CLRN1: variants seen among roughly 807,000 people sequenced by gnomAD.
CLRN1 encodes clarin 1, also known as clarin-1.
In CLRN1, 15 loss-of-function variants were observed where a neutral mutation model predicts 18.7. That is an observed-to-expected ratio of 0.80 (90% CI 0.54 to 1.23). The LOEUF is 1.23. Among genes scored for constraint, CLRN1 ranks in the 50% most tolerant of loss-of-function variants. The pLI, the probability that CLRN1 is intolerant of heterozygous loss-of-function variation, is 0.00. For synonymous variants in CLRN1, 104 were observed against 102.9 expected (o/e 1.01, Z -0.07); for missense variants, 311 against 277.5 (o/e 1.12, Z -0.86).
chr3:150,972,845 G>C (rs759564220), upstream of CLRN1: 1 of 1,204,666 alleles, frequency 8.3e-7, no homozygotes, highest in African/African-American at 1.5e-5. Context: ...CTTCACCATC[G>C]ACGGTTCTCG....
chr3:150,959,772 T>C (rs550622707), intron 1 of CLRN1, among the ~76,000 whole-genome samples: 43 of 152,358 alleles, frequency 2.8e-4, no homozygotes, highest in African/African-American at 1.0e-3. Flanking sequence ...TTCATTTCAG[T>C]TGTCTTACCA....
intron 1 of CLRN1, among the ~76,000 whole-genome samples, chr3:150,964,030 A>G (rs1214743604): frequency 6.6e-6 from 1 of 152,228 alleles, no homozygotes; most frequent in Non-Finnish European, 1.5e-5. Context: ...TAAACACCAA[A>G]AGCAATGGCA....
chr3:150,972,848 G>A (rs747681589), upstream of CLRN1: 6 of 1,183,198 alleles, frequency 5.1e-6, no homozygotes, highest in African/African-American at 7.6e-5. Context: ...CACCATCGAC[G>A]GTTCTCGCCA....
rs1246906365 is a variant in CLRN1, at chr3:150,926,810, G to C, written c.*1126C>G. ...TCTGCTTTTTCCTTGGTGCTTTCTG[G>C]AGGACAGCAGGTTGAGGATGAAGGA... On this transcript the variant is annotated 3_prime_UTR_variant, in exon 3 of 3. Transcript: ENST00000327047. The C allele has an allele frequency of 6.2e-7, 1 of 1,613,894 alleles. No homozygotes were observed. Among genetic ancestry groups the C allele is most frequent in the Non-Finnish European group, 8.5e-7 (1 of 1,180,006 alleles).
chr3:150,960,910 G>A (rs945400071), intron 1 of CLRN1, among the ~76,000 whole-genome samples: 8 of 152,228 alleles, frequency 5.3e-5, no homozygotes, highest in Admixed American at 6.5e-5. Context: ...GGACAGAGCC[G>A]ACTTCTTTAA....
intron 1 of CLRN1, chr3:150,944,155 G>T: frequency 2.4e-6 from 1 of 414,668 alleles, no homozygotes; most frequent in Non-Finnish European, 4.6e-6. Context: ...AAGATCTACA[G>T]AAAGAACTTT....
At chr3:150,944,703 C>T (rs899564958) in intron 1 of CLRN1, among the ~76,000 whole-genome samples, 2 of 150,702 alleles carry the variant, frequency 1.3e-5, no homozygotes, top group Non-Finnish European at 3.0e-5. Flanking sequence ...TGCAGTGAGC[C>T]AAGGTCCCAC....
At position 150,927,679 on chromosome 3, in the gene CLRN1, C is replaced by A; in HGVS notation, c.*257G>T. ...ACACACATATATATATATGGAGTAA[C>A]AATTTGTCGATTCTAGTCAACTGCC... On this transcript the variant is annotated 3_prime_UTR_variant, in exon 3 of 3. Transcript: ENST00000327047. The A allele has an allele frequency of 1.6e-6, 1 of 608,102 alleles. No homozygotes were observed. The allele number at this position is 608,102 out of a possible 1,614,324, so 37.7% of individuals were successfully genotyped here. A position where few individuals can be genotyped will look rare whatever the true frequency, so the allele number is the denominator to read the frequency against.
At chr3:150,959,399 C>T (rs1040765622) in intron 1 of CLRN1, among the ~76,000 whole-genome samples, 7 of 152,030 alleles carry the variant, frequency 4.6e-5, no homozygotes, top group African/African-American at 9.7e-5. Flanking sequence ...GAGGCTGAGG[C>T]GGGTGGATCA....
intron 1 of CLRN1, among the ~76,000 whole-genome samples, chr3:150,954,434 G>T (rs1458612346): frequency 1.3e-5 from 2 of 152,164 alleles, no homozygotes; most frequent in Admixed American, 1.3e-4. Context: ...CATTTTCGAT[G>T]ATGTGTTTGT....
At chr3:150,946,452 T>C (rs1197500390) in intron 1 of CLRN1, among the ~76,000 whole-genome samples, 1 of 152,136 alleles carries the variant, frequency 6.6e-6, no homozygotes, top group East Asian at 1.9e-4. Flanking sequence ...TAACATTGCT[T>C]CTGGGAAGGG....
chr3:150,938,894 A>G (rs557017452), intron 2 of CLRN1, among the ~76,000 whole-genome samples: 16 of 152,208 alleles, frequency 1.1e-4, no homozygotes, highest in Non-Finnish European at 2.1e-4. Context: ...AAAGGCAGAG[A>G]TAGGATCTGG....
At chr3:150,957,908 AC>A (rs1559990172) in intron 1 of CLRN1, among the ~76,000 whole-genome samples, 1 of 151,822 alleles carries the variant, frequency 6.6e-6, no homozygotes, top group Non-Finnish European at 1.5e-5. Context: ...TGATCTACCC[AC>A]TGCAGCCTCC....
upstream of CLRN1, chr3:150,972,839 AC>A: frequency 7.8e-7 from 1 of 1,276,800 alleles, no homozygotes; most frequent in Non-Finnish European, 1.1e-6. Flanking sequence ...AGGCAACTTC[AC>A]CATCGACGGT....
chr3:150,938,997 C>T (rs1225250682), intron 2 of CLRN1, among the ~76,000 whole-genome samples: 1 of 152,188 alleles, frequency 6.6e-6, no homozygotes, highest in Admixed American at 6.5e-5. Flanking sequence ...AATTTGTCTT[C>T]CAAGTGCGCT....
At chr3:150,949,006 C>A (rs762705857) in intron 1 of CLRN1, among the ~76,000 whole-genome samples, 3 of 152,126 alleles carry the variant, frequency 2.0e-5, no homozygotes, top group Non-Finnish European at 4.4e-5. Context: ...AAAGCTAAAC[C>A]ACCACAATCA....
At chr3:150,953,837 A>G (rs1714608499) in intron 1 of CLRN1, among the ~76,000 whole-genome samples, 1 of 152,330 alleles carries the variant, frequency 6.6e-6, no homozygotes, top group South Asian at 2.1e-4. Flanking sequence ...ATATATATAA[A>G]ACATAAATTA....
intron 2 of CLRN1, among the ~76,000 whole-genome samples, chr3:150,932,622 A>T (rs1187806176): frequency 6.6e-6 from 1 of 152,220 alleles, no homozygotes; most frequent in East Asian, 1.9e-4. Context: ...ATATTGAGAG[A>T]TGATAAATAG....
intron 1 of CLRN1, among the ~76,000 whole-genome samples, chr3:150,955,017 C>T (rs1275836320): frequency 1.3e-5 from 2 of 152,144 alleles, no homozygotes; most frequent in South Asian, 2.1e-4. Flanking sequence ...GACAGGTGAA[C>T]AGATAAACAA....
Sources: gnomAD v4.1 joint callset for allele counts (sites outside exome capture counted in the v4.1 genomes callset) on GRCh38, gnomAD v4.1.1 for gene constraint, MANE v1.5 for transcripts, NCBI Gene and HGNC (gene_info 2026-07-23, HGNC 2026-07-21) for gene names.